CTIF: variants seen among roughly 807,000 people sequenced by gnomAD.
CTIF encodes the protein cap binding complex dependent translation initiation factor.
CTIF carries 21 observed loss-of-function variants against 66.0 expected under a neutral mutation model. The observed-to-expected ratio is 0.32, with a 90% CI of 0.23 to 0.46. The LOEUF is 0.46. Ranked by LOEUF, CTIF falls within the 20% of genes least tolerant of loss-of-function variation. The pLI is 1.00. For synonymous variants in CTIF, 345 were observed against 326.4 expected (o/e 1.06, Z -0.62); for missense variants, 739 against 812.7 (o/e 0.91, Z 1.10).
intron 9 of CTIF, among the ~76,000 whole-genome samples, chr18:48,772,991 A>G (rs1234275224): frequency 6.6e-6 from 1 of 152,228 alleles, no homozygotes; most frequent in African/African-American, 2.4e-5. Flanking sequence ...GAGGGACAAT[A>G]AGGACACTGC....
intron 10 of CTIF, among the ~76,000 whole-genome samples, chr18:48,837,476 G>A (rs2068838595): frequency 6.6e-6 from 1 of 152,134 alleles, no homozygotes; most frequent in African/African-American, 2.4e-5. Flanking sequence ...CTGGGCTGGG[G>A]GAAGCACCTG....
intron 10 of CTIF, among the ~76,000 whole-genome samples, chr18:48,840,459 G>A (rs903395191): frequency 1.3e-5 from 2 of 152,206 alleles, no homozygotes; most frequent in African/African-American, 4.8e-5. Context: ...TAGAAAAAGA[G>A]TTGCCCCATT....
chr18:48,713,298 G>A (rs938518978), intron 7 of CTIF, among the ~76,000 whole-genome samples: 19 of 152,162 alleles, frequency 1.2e-4, no homozygotes, highest in Non-Finnish European at 1.9e-4. Context: ...GAGAGTCCCC[G>A]AGCTTCCTGA....
intron 7 of CTIF, among the ~76,000 whole-genome samples, chr18:48,749,907 C>G (rs563241354): frequency 1.3e-5 from 2 of 152,322 alleles, no homozygotes; most frequent in South Asian, 4.1e-4. Context: ...CAGGGCTTGG[C>G]AGGCCGAGCG....
At chr18:48,696,925 T>A (rs1415788195) in intron 6 of CTIF, among the ~76,000 whole-genome samples, 1 of 152,208 alleles carries the variant, frequency 6.6e-6, no homozygotes, top group East Asian at 1.9e-4. Flanking sequence ...TCGGAGAGCT[T>A]ACAGTTTCAC....
intron 6 of CTIF, among the ~76,000 whole-genome samples, chr18:48,710,334 G>A (rs9958215): frequency 0.013 from 2,055 of 152,286 alleles, 41 homozygotes; most frequent in African/African-American, 0.044. Flanking sequence ...GTCATCCAGC[G>A]CATGCTCAGG....
Position 48,718,263 on chromosome 18 carries a change from A to G in CTIF, c.584+6568A>G, listed in dbSNP as rs559927129. ...TTTGAAAATTAGACTGTGTATACCT[A>G]GCTACAGTCTCTAACACTTTTGTTG... On this transcript the variant is annotated intron_variant, in intron 7 of 11. Transcript: ENST00000256413. Among the ~76,000 whole-genome samples the G allele has an allele frequency of 1.2e-3, 178 of 152,318 alleles. 2 individuals carry two copies. Among genetic ancestry groups the G allele is most frequent in the African/African-American group, 3.2e-3 (135 of 41,576 alleles).
chr18:48,648,462 G>C (rs16949726), intron 3 of CTIF, among the ~76,000 whole-genome samples: 89,642 of 150,538 alleles, frequency 0.6, 29,081 homozygotes, highest in East Asian at 0.86. Context: ...GCCGTCCTTC[G>C]TTCTGAACAC....
chr18:48,685,313 C>T (rs568400759), intron 6 of CTIF, among the ~76,000 whole-genome samples: 1 of 152,172 alleles, frequency 6.6e-6, no homozygotes, highest in East Asian at 1.9e-4. Context: ...ACCTCCGCCT[C>T]CCGGGTTCAA....
intron 9 of CTIF, among the ~76,000 whole-genome samples, chr18:48,803,583 A>G (rs2068087508): frequency 6.6e-6 from 1 of 152,118 alleles, no homozygotes; most frequent in Non-Finnish European, 1.5e-5. Context: ...GGCAGCTGTT[A>G]TTTCTGCGTG....
intron 7 of CTIF, among the ~76,000 whole-genome samples, chr18:48,747,486 A>G (rs569034794): frequency 6.6e-6 from 1 of 152,320 alleles, no homozygotes; most frequent in South Asian, 2.1e-4. Context: ...CCACTGAGGC[A>G]TGTTCATTGT....
chr18:48,835,832 C>G lies in CTIF; in HGVS notation c.1527+18456C>G, dbSNP rs919179647. ...CATGGTCCCTTCCCACCAAGCCCCC[C>G]ACCTGCCCTCACCCCTGACTTGGCT... On this transcript the variant is annotated intron_variant, in intron 10 of 11. Transcript: ENST00000256413. Among the ~76,000 whole-genome samples, 8 of 152,106 alleles carry G rather than the reference C, an allele frequency of 5.3e-5. No individual in the cohort carries two copies. The East Asian group carries it at 1.2e-3, about 22-fold the overall frequency.
rs375973018 is a variant in CTIF at position 48,671,608 on chromosome 18, CCTTGGTGTGG to C, written c.507+865_507+874del. Among the ~76,000 whole-genome samples the C allele has an allele frequency of 1.6e-3, 244 of 152,156 alleles. 1 individual carries two copies. The highest frequency in any genetic ancestry group is 5.7e-3 in the African/African-American group (236 of 41,462). The stretch of plus-strand genomic sequence containing the variant: ...ACCTCATCTATTTGATTATGATGTG[CCTTGGTGTGG>C]TGGTTTTCTTCATGTTTCTCCCACT... On this transcript the variant is annotated intron_variant, in intron 6 of 11. Coordinates refer to ENST00000256413, the MANE Select transcript of CTIF (RefSeq NM_014772.3).
chr18:48,656,195 C>T (rs1172042119), intron 3 of CTIF, among the ~76,000 whole-genome samples: 2 of 152,196 alleles, frequency 1.3e-5, no homozygotes, highest in African/African-American at 4.8e-5. Flanking sequence ...GGGAGGGATA[C>T]GTTCCTGCTT....
At chr18:48,559,236 T>TA (rs1568031580) in intron 1 of CTIF, among the ~76,000 whole-genome samples, 2 of 151,746 alleles carry the variant, frequency 1.3e-5, no homozygotes, top group Non-Finnish European at 2.9e-5. Flanking sequence ...TTTTTTTACT[T>TA]AAAAAATTGG....
chr18:48,768,869 G>T (rs551679410), intron 9 of CTIF, among the ~76,000 whole-genome samples: 29 of 152,252 alleles, frequency 1.9e-4, no homozygotes, highest in African/African-American at 6.5e-4. Flanking sequence ...CTGCTGTTGC[G>T]CTCCAGTGTG....
intron 9 of CTIF, among the ~76,000 whole-genome samples, chr18:48,771,297 G>A (rs1036486357): frequency 2.0e-5 from 3 of 152,154 alleles, no homozygotes; most frequent in African/African-American, 7.2e-5. Context: ...GGTCATCTTT[G>A]TGTCCCACCA....
rs568667065 is a variant in CTIF, at chr18:48,862,839, T to A, written c.*3280T>A. 6.6e-6 allele frequency: 1 copy of A among 152,318 alleles called. No homozygotes were observed. Among genetic ancestry groups the A allele is most frequent in the South Asian group, 2.1e-4 (1 of 4,828 alleles). The allele number at this position is 152,318 out of a possible 1,614,324, so 9.4% of individuals were successfully genotyped here. On this transcript the variant is annotated 3_prime_UTR_variant, in exon 12 of 12. Coordinates refer to ENST00000256413, the MANE Select transcript of CTIF (RefSeq NM_014772.3). Reference sequence around the variant, plus strand: ...CCAAGAAGCCAAGTCCCAGTCTGTTTTCTGGCATCAGACACCGGCCCGTGT... The same window carrying A: ...CCAAGAAGCCAAGTCCCAGTCTGTTATCTGGCATCAGACACCGGCCCGTGT...
chr18:48,794,068 C>T (rs1373281155), intron 9 of CTIF, among the ~76,000 whole-genome samples: 1 of 152,130 alleles, frequency 6.6e-6, no homozygotes, highest in Non-Finnish European at 1.5e-5. Context: ...ACCTTGGGAT[C>T]CTTTGGGTTT....
Sources: gnomAD v4.1 joint callset for allele counts (sites outside exome capture counted in the v4.1 genomes callset) on GRCh38, gnomAD v4.1.1 for gene constraint, MANE v1.5 for transcripts, NCBI Gene and HGNC (gene_info 2026-07-23, HGNC 2026-07-21) for gene names.